The following PCMTD1 variants were observed in gnomAD, a reference collection of about 807,000 sequenced individuals.
The protein encoded by PCMTD1 is protein-L-isoaspartate O-methyltransferase domain-containing protein 1.
PCMTD1 carries 12 observed loss-of-function variants against 37.6 expected under a neutral mutation model. That is an observed-to-expected ratio of 0.32 (90% CI 0.20 to 0.52). The LOEUF is 0.52. Among genes scored for constraint, PCMTD1 ranks in the 20% least tolerant of loss-of-function variants. The probability of loss-of-function intolerance (pLI) is 0.97; values close to 1 mark genes in which losing one functional copy is unlikely to be tolerated. For synonymous variants in PCMTD1, 117 were observed against 135.8 expected (o/e 0.86, Z 0.96); for missense variants, 235 against 421.3 (o/e 0.56, Z 3.87).
At chr8:51,878,441 A>T (rs549759230) in intron 1 of PCMTD1, among the ~76,000 whole-genome samples, 1 of 152,270 alleles carries the variant, frequency 6.6e-6, no homozygotes, top group South Asian at 2.1e-4. Flanking sequence ...ATGAAGTTAT[A>T]TAACTACATG....
At chr8:51,867,796 T>C (rs1296363178) in intron 1 of PCMTD1, among the ~76,000 whole-genome samples, 1 of 151,906 alleles carries the variant, frequency 6.6e-6, no homozygotes, top group Non-Finnish European at 1.5e-5. Flanking sequence ...AGAATGATGA[T>C]TACCAGAGGC....
At chr8:51,898,490 C>G (rs2039042982) in intron 1 of PCMTD1, among the ~76,000 whole-genome samples, 5 of 152,140 alleles carry the variant, frequency 3.3e-5, no homozygotes, top group African/African-American at 4.8e-5. Context: ...ACAGAAGTCA[C>G]TGGGCGGATC....
chr8:51,837,781 T>C (rs575609070), intron 3 of PCMTD1, among the ~76,000 whole-genome samples: 216 of 152,258 alleles, frequency 1.4e-3, no homozygotes, highest in African/African-American at 5.0e-3. Flanking sequence ...ATCTATCTAT[T>C]TATTTATTTT....
chr8:51,820,802 T>C (rs1282807182), intron 5 of PCMTD1, 84 bp from the exon 6 acceptor site: 3 of 1,350,364 alleles, frequency 2.2e-6, no homozygotes, highest in Admixed American at 3.0e-5. Flanking sequence ...GAACAAAATG[T>C]GTTTCTTAGC....
intron 2 of PCMTD1, chr8:51,849,106 GC>G (rs1306142741): frequency 6.6e-6 from 1 of 152,042 alleles, no homozygotes; most frequent in Non-Finnish European, 1.5e-5. Context: ...AACTGAAAAA[GC>G]ATACATAGCT....
intron 4 of PCMTD1, among the ~76,000 whole-genome samples, chr8:51,832,822 G>A (rs575033296): frequency 6.6e-6 from 1 of 152,102 alleles, no homozygotes; most frequent in East Asian, 1.9e-4. Context: ...ATGAAGTTAA[G>A]TAGTTCAAAA....
chr8:51,893,464 G>A (rs976852558), intron 1 of PCMTD1, among the ~76,000 whole-genome samples: 7 of 152,078 alleles, frequency 4.6e-5, no homozygotes, highest in Non-Finnish European at 8.8e-5. Context: ...ATCACCAAAA[G>A]GAAGAAAACA....
At chr8:51,869,483 A>G (rs988473597) in intron 1 of PCMTD1, among the ~76,000 whole-genome samples, 1 of 152,144 alleles carries the variant, frequency 6.6e-6, no homozygotes, top group Non-Finnish European at 1.5e-5. Flanking sequence ...ATGCTATTTC[A>G]GCATTGGTCA....
intron 3 of PCMTD1, among the ~76,000 whole-genome samples, chr8:51,836,631 G>A (rs1409762813): frequency 2.6e-5 from 4 of 152,114 alleles, no homozygotes; most frequent in African/African-American, 9.7e-5. Context: ...TACCAACGCT[G>A]AATATGAACC....
chr8:51,832,566 C>A, intron 4 of PCMTD1, among the ~76,000 whole-genome samples: 1 of 152,168 alleles, frequency 6.6e-6, no homozygotes, highest in East Asian at 1.9e-4. Context: ...GTAAACATTT[C>A]AGATTTCAGT....
At chr8:51,837,049 G>A (rs770474680) in intron 3 of PCMTD1, among the ~76,000 whole-genome samples, 1 of 152,148 alleles carries the variant, frequency 6.6e-6, no homozygotes, top group Non-Finnish European at 1.5e-5. Flanking sequence ...TAAATGACAG[G>A]TTTTTCTTGG....
Position 51,817,782 on chromosome 8 carries a change from G to C in PCMTD1, c.*2569C>G. Reference sequence around the variant, plus strand: ...AATATATTGACCAATAAGCAGTATAGATTTAAATTATCTTCTTGGGTTGGT... The same window carrying C: ...AATATATTGACCAATAAGCAGTATACATTTAAATTATCTTCTTGGGTTGGT... On this transcript the variant is annotated 3_prime_UTR_variant, in exon 6 of 6. Coordinates refer to ENST00000522514, the MANE Select transcript of PCMTD1 (RefSeq NM_052937.4). 1 of 455,638 alleles carries C rather than the reference G, an allele frequency of 2.2e-6. No individual in the cohort carries two copies. The highest frequency in any genetic ancestry group is 1.6e-5 in the South Asian group (1 of 64,366). The allele number at this position is 455,638 out of a possible 1,614,324, so 28.2% of individuals were successfully genotyped here.
chr8:51,875,148 T>C (rs2038693247), intron 1 of PCMTD1, among the ~76,000 whole-genome samples: 1 of 152,208 alleles, frequency 6.6e-6, no homozygotes, highest in South Asian at 2.1e-4. Flanking sequence ...AATTTCTTTA[T>C]TTCAATATTC....
At chr8:51,821,432 T>G (rs549885490) in intron 5 of PCMTD1, among the ~76,000 whole-genome samples, 1 of 152,334 alleles carries the variant, frequency 6.6e-6, no homozygotes, top group Non-Finnish European at 1.5e-5. Flanking sequence ...TAAACCATCA[T>G]GCCCGGCCCT....
intron 1 of PCMTD1, among the ~76,000 whole-genome samples, chr8:51,875,549 T>C (rs1487713093): frequency 6.6e-6 from 1 of 152,370 alleles, no homozygotes; most frequent in Middle Eastern, 3.4e-3. Flanking sequence ...TATCAAATCA[T>C]AATTTCATAT....
At chr8:51,876,088 G>A (rs1226919649) in intron 1 of PCMTD1, among the ~76,000 whole-genome samples, 1 of 150,932 alleles carries the variant, frequency 6.6e-6, no homozygotes, top group African/African-American at 2.4e-5. Context: ...AATAGGTGTC[G>A]CTTCTATTAC....
At chr8:51,845,820 CTTTTT>C in intron 2 of PCMTD1, 57 bp from the exon 3 acceptor site, 1 of 1,221,532 alleles carries the variant, frequency 8.2e-7, no homozygotes, top group Non-Finnish European at 1.2e-6. Context: ...TTACAGAGCT[CTTTTT>C]TAAGTTCTGC....
intron 1 of PCMTD1, among the ~76,000 whole-genome samples, chr8:51,863,302 T>C (rs562423574): frequency 9.9e-5 from 15 of 152,192 alleles, no homozygotes; most frequent in Non-Finnish European, 2.2e-4. Flanking sequence ...GATCTGACCC[T>C]CCTTAGGTCC....
chr8:51,840,230 T>C (rs2038126837), intron 3 of PCMTD1, among the ~76,000 whole-genome samples: 1 of 152,150 alleles, frequency 6.6e-6, no homozygotes, highest in Non-Finnish European at 1.5e-5. Flanking sequence ...TTACAGGAAA[T>C]GTGACAGGTA....
Sources: gnomAD v4.1 joint callset for allele counts (sites outside exome capture counted in the v4.1 genomes callset) on GRCh38, gnomAD v4.1.1 for gene constraint, MANE v1.5 for transcripts, NCBI Gene and HGNC (gene_info 2026-07-23, HGNC 2026-07-21) for gene names.